Variants in KLF13 observed in about 807,000 individuals in gnomAD.
The protein encoded by KLF13 is Krueppel-like factor 13.
KLF13 carries 8 observed loss-of-function variants against 16.7 expected under a neutral mutation model. The observed-to-expected ratio is 0.48, with a 90% confidence interval of 0.28 to 0.87. The LOEUF is 0.87. Among genes scored for constraint, KLF13 ranks in the 40% least tolerant of loss-of-function variants. The pLI is 0.10. For synonymous variants in KLF13, 245 were observed against 208.4 expected (o/e 1.18, Z -1.51); for missense variants, 447 against 452.2 (o/e 0.99, Z 0.10).
upstream of KLF13, among the ~76,000 whole-genome samples, chr15:31,389,955 C>T (rs2039839439): frequency 6.6e-6 from 1 of 152,192 alleles, no homozygotes; most frequent in South Asian, 2.1e-4. Context: ...TTTGCCTTCC[C>T]TCAGGAACTG....
At chr15:31,384,912 C>T (rs1247202235) in intron 1 of KLF13, among the ~76,000 whole-genome samples, 1 of 152,206 alleles carries the variant, frequency 6.6e-6, no homozygotes, top group African/African-American at 2.4e-5. Flanking sequence ...GTTTGTGTCC[C>T]TGCCAAACTC....
At chr15:31,358,881 C>G (rs554253076) in intron 1 of KLF13, among the ~76,000 whole-genome samples, 3 of 152,192 alleles carry the variant, frequency 2.0e-5, no homozygotes, top group Non-Finnish European at 1.5e-5. Flanking sequence ...CACACTGGCT[C>G]CTGAAGCCAG....
chr15:31,350,100 G>A (rs1261511271), intron 1 of KLF13, among the ~76,000 whole-genome samples: 3 of 152,162 alleles, frequency 2.0e-5, no homozygotes, highest in Non-Finnish European at 1.5e-5. Flanking sequence ...CCTAACCCTC[G>A]GCCATTCCAG....
At chr15:31,359,529 A>G (rs2039349904) in intron 1 of KLF13, among the ~76,000 whole-genome samples, 1 of 152,184 alleles carries the variant, frequency 6.6e-6, no homozygotes, top group African/African-American at 2.4e-5. Flanking sequence ...GTGTACATAC[A>G]CCACTTTGTT....
In KLF13 at chr15:31,356,127, C is replaced by A. The variant is rs1453584769; in HGVS notation, c.578-15883C>A. 3.3e-5 allele frequency among the ~76,000 whole-genome samples: 5 copies of A among 152,096 alleles called. No homozygotes were observed. In the East Asian group the frequency reaches 9.6e-4, roughly 29 times the overall value. On this transcript the variant is annotated intron_variant, in intron 1 of 1. Coordinates refer to ENST00000307145, the MANE Select transcript of KLF13 (RefSeq NM_015995.4). ...GGGTTTGATGTTCTTATTTCATCACCCAGGTGATAAACATAGTACCCGATA... is the reference window on the plus strand; with the variant it reads ...GGGTTTGATGTTCTTATTTCATCACACAGGTGATAAACATAGTACCCGATA...
chr15:31,407,917 A>G (rs1371937263), downstream of KLF13, among the ~76,000 whole-genome samples: 4 of 152,234 alleles, frequency 2.6e-5, no homozygotes, highest in Non-Finnish European at 5.9e-5. Flanking sequence ...TATACCTCAT[A>G]CTAAAATCAC....
downstream of KLF13, among the ~76,000 whole-genome samples, chr15:31,381,128 C>T (rs139639440): frequency 6.3e-3 from 867 of 138,576 alleles, 12 homozygotes; most frequent in African/African-American, 0.022. Flanking sequence ...GCGAAGATCG[C>T]GCCATTGCAC....
At chr15:31,402,916 C>T (rs1455061792) in intron 2 of KLF13, among the ~76,000 whole-genome samples, 2 of 150,332 alleles carry the variant, frequency 1.3e-5, no homozygotes, top group Non-Finnish European at 1.5e-5. Context: ...CAATGGGACT[C>T]GTGAACTGTT....
chr15:31,395,812 G>A (rs1015491426), intron 2 of KLF13, among the ~76,000 whole-genome samples: 1 of 152,122 alleles, frequency 6.6e-6, no homozygotes, highest in African/African-American at 2.4e-5. Context: ...AAATAAAAAT[G>A]GGGGAGGGAA....
downstream of KLF13, among the ~76,000 whole-genome samples, chr15:31,381,129 G>A (rs1162807390): frequency 6.9e-6 from 1 of 145,670 alleles, no homozygotes; most frequent in African/African-American, 2.6e-5. Context: ...CGAAGATCGC[G>A]CCATTGCACT....
Position 31,327,712 on chromosome 15 carries a change from A to G in KLF13, c.500A>G (p.His167Arg). ...RADLESPQRK[H>R]KCHYAGCEKV... Reference sequence around the variant, plus strand: ...GACCTCGAGTCCCCGCAGAGGAAGCACAAGTGCCACTACGCGGGCTGCGAG... The same window carrying G: ...GACCTCGAGTCCCCGCAGAGGAAGCGCAAGTGCCACTACGCGGGCTGCGAG... Residue 167 changes from histidine to arginine, a missense_variant, in exon 1 of 2, where the codon CAC becomes CGC. His to Arg is a conservative substitution (Grantham distance 29). Transcript: ENST00000307145. 1 of 1,538,728 alleles carries G rather than the reference A, an allele frequency of 6.5e-7. No individual in the cohort carries two copies. Among genetic ancestry groups the G allele is most frequent in the Non-Finnish European group, 8.8e-7 (1 of 1,139,132 alleles).
intron 1 of KLF13, among the ~76,000 whole-genome samples, chr15:31,417,246 G>C (rs2040265639): frequency 6.6e-6 from 1 of 152,066 alleles, no homozygotes; most frequent in African/African-American, 2.4e-5. Flanking sequence ...GTAATCCCCA[G>C]CACTTTGGGA....
Position 31,361,521 on chromosome 15 carries a change from G to A in KLF13, c.578-10489G>A, listed in dbSNP as rs900298774. ...GAGTGTCTGTAGCAGAGCTTAGCAGGGTGGGGTCCCTGCAGGCAAGGTCCC... is the reference window on the plus strand; with the variant it reads ...GAGTGTCTGTAGCAGAGCTTAGCAGAGTGGGGTCCCTGCAGGCAAGGTCCC... On this transcript the variant is annotated intron_variant, in intron 1 of 1. Coordinates refer to ENST00000307145, the MANE Select transcript of KLF13 (RefSeq NM_015995.4). 2.6e-5 allele frequency among the ~76,000 whole-genome samples: 4 copies of A among 152,254 alleles called. No homozygotes were observed. In the East Asian group the frequency reaches 5.8e-4, roughly 22 times the overall value.
intron 1 of KLF13, chr15:31,393,469 G>T (rs1317300518): frequency 1.3e-5 from 2 of 151,102 alleles, no homozygotes; most frequent in Non-Finnish European, 2.9e-5. Flanking sequence ...ACCCGCCAGG[G>T]GGTTTCAGAG....
At chr15:31,333,968 T>C (rs536082239) in intron 1 of KLF13, among the ~76,000 whole-genome samples, 2 of 152,024 alleles carry the variant, frequency 1.3e-5, no homozygotes, top group African/African-American at 4.8e-5. Context: ...GGGGAGGGCA[T>C]GGGATATTAG....
At chr15:31,358,619 C>T (rs1167284198) in intron 1 of KLF13, among the ~76,000 whole-genome samples, 1 of 152,128 alleles carries the variant, frequency 6.6e-6, no homozygotes, top group African/African-American at 2.4e-5. Context: ...AGATTGAGTT[C>T]TTTATGTATT....
chr15:31,408,788 A>G (rs771583875), downstream of KLF13, among the ~76,000 whole-genome samples: 23 of 152,338 alleles, frequency 1.5e-4, no homozygotes, highest in Non-Finnish European at 2.8e-4. Flanking sequence ...AGCCGGTAAC[A>G]TACAAGATCA....
chr15:31,379,402 A>G (rs990911645), downstream of KLF13, among the ~76,000 whole-genome samples: 2 of 152,088 alleles, frequency 1.3e-5, no homozygotes, highest in African/African-American at 4.8e-5. Flanking sequence ...CGCTTCCATA[A>G]ATAGTTGTCA....
intron 1 of KLF13, among the ~76,000 whole-genome samples, chr15:31,358,458 G>A (rs2039333909): frequency 6.6e-6 from 1 of 152,178 alleles, no homozygotes; most frequent in Admixed American, 6.5e-5. Flanking sequence ...TCATAAATAT[G>A]TATAGTGATA....
Sources: gnomAD v4.1 joint callset for allele counts (sites outside exome capture counted in the v4.1 genomes callset) on GRCh38, gnomAD v4.1.1 for gene constraint, MANE v1.5 for transcripts, NCBI Gene and HGNC (gene_info 2026-07-23, HGNC 2026-07-21) for gene names.